Variants in SH3RF3 observed in about 807,000 individuals in gnomAD.
SH3RF3 encodes SH3 domain containing ring finger 3, also known as E3 ubiquitin-protein ligase SH3RF3.
A neutral mutation model predicts 66.3 loss-of-function variants in SH3RF3; 29 were observed. That is an observed-to-expected ratio of 0.44 (90% CI 0.33 to 0.60). The LOEUF is 0.60. SH3RF3 is among the 20% of genes least tolerant of loss of function. SH3RF3 has a pLI of 0.04. For synonymous variants in SH3RF3, 583 were observed against 532.0 expected (o/e 1.10, Z -1.32); for missense variants, 1,194 against 1,190.9 (o/e 1.00, Z -0.04).
intron 3 of SH3RF3, among the ~76,000 whole-genome samples, chr2:109,377,141 G>T (rs543366140): frequency 1.3e-5 from 2 of 152,226 alleles, no homozygotes; most frequent in Non-Finnish European, 2.9e-5. Flanking sequence ...TATTCTTGGC[G>T]TTTCCCATTG....
At chr2:109,274,541 A>G (rs907273411) in intron 1 of SH3RF3, among the ~76,000 whole-genome samples, 5 of 152,258 alleles carry the variant, frequency 3.3e-5, no homozygotes, top group African/African-American at 1.2e-4. Flanking sequence ...AAAAGGTCAC[A>G]TATTGTATGA....
intron 3 of SH3RF3, among the ~76,000 whole-genome samples, chr2:109,381,183 G>T (rs1675647173): frequency 6.6e-6 from 1 of 152,190 alleles, no homozygotes. Flanking sequence ...CTGGAAGTGT[G>T]TCAGCCTAGG....
At chr2:109,189,667 A>G (rs996163221) in intron 1 of SH3RF3, among the ~76,000 whole-genome samples, 16 of 152,050 alleles carry the variant, frequency 1.1e-4, no homozygotes, top group Admixed American at 3.9e-4. Flanking sequence ...TTTACCCCCT[A>G]TCAATTTAAT....
At chr2:109,228,757 G>T (rs1231131552) in intron 1 of SH3RF3, among the ~76,000 whole-genome samples, 1 of 152,180 alleles carries the variant, frequency 6.6e-6, no homozygotes, top group Non-Finnish European at 1.5e-5. Context: ...GAGCACAGGG[G>T]CTTCCGTCTC....
In SH3RF3 at chr2:109,211,701, A is replaced by G. The variant is rs189803020; in HGVS notation, c.573+81588A>G. 2.3e-4 allele frequency among the ~76,000 whole-genome samples: 34 copies of G among 150,246 alleles called. No individual in the cohort carries two copies. The East Asian group carries it at 5.2e-3, about 23-fold the overall frequency. ...GCTCTGTCACCCAGGGTGGAGTGCA[A>G]TGGTGCAATCTTGGCTCACTTCAAC... On this transcript the variant is annotated intron_variant, in intron 1 of 9. Coordinates refer to ENST00000309415, the MANE Select transcript of SH3RF3 (RefSeq NM_001099289.3).
intron 1 of SH3RF3, among the ~76,000 whole-genome samples, chr2:109,173,810 C>T (rs955302522): frequency 2.6e-5 from 4 of 152,196 alleles, no homozygotes; most frequent in Admixed American, 2.6e-4. Context: ...CAAAGGCATG[C>T]GATGGGGCTG....
chr2:109,421,965 A>G (rs1011729596), intron 5 of SH3RF3, among the ~76,000 whole-genome samples: 1 of 152,214 alleles, frequency 6.6e-6, no homozygotes, highest in Admixed American at 6.5e-5. Flanking sequence ...TTATCCCCAG[A>G]GAGGAAAAGA....
intron 4 of SH3RF3, among the ~76,000 whole-genome samples, chr2:109,408,803 G>A (rs1676515495): frequency 6.6e-6 from 1 of 152,238 alleles, no homozygotes; most frequent in African/African-American, 2.4e-5. Context: ...GATGAATATT[G>A]TGCCTTTTAT....
intron 1 of SH3RF3, among the ~76,000 whole-genome samples, chr2:109,268,003 C>T (rs970710929): frequency 6.6e-6 from 1 of 151,904 alleles, no homozygotes; most frequent in African/African-American, 2.4e-5. Context: ...CGGACATCCC[C>T]ACTAAGGGTC....
intron 1 of SH3RF3, among the ~76,000 whole-genome samples, chr2:109,189,061 T>C (rs1558947939): frequency 6.6e-6 from 1 of 152,224 alleles, no homozygotes; most frequent in East Asian, 1.9e-4. Flanking sequence ...GTCCCTCCAG[T>C]GGAAACCCAC....
At chr2:109,153,328 C>A (rs1056574162) in intron 1 of SH3RF3, among the ~76,000 whole-genome samples, 3 of 152,136 alleles carry the variant, frequency 2.0e-5, no homozygotes, top group South Asian at 4.1e-4. Flanking sequence ...AAATTGCATG[C>A]CTTTTTTTCT....
intron 2 of SH3RF3, among the ~76,000 whole-genome samples, chr2:109,360,489 CACAAATGAATTTTGTGTTT>C (rs1683032010): frequency 6.6e-6 from 1 of 152,112 alleles, no homozygotes; most frequent in Admixed American, 6.5e-5. Flanking sequence ...ATATATAAAA[CACAAATGAATTTTGTGTTT>C]AGACTGGGGT....
In SH3RF3 at chr2:109,240,001, C is replaced by G. The variant is rs186475974; in HGVS notation, c.574-107673C>G. ...GTATCCTCTGTGGAATGCTTGCTGG[C>G]TCATGATAGATGAGTCACTTGTCTG... On this transcript the variant is annotated intron_variant, in intron 1 of 9. Transcript: ENST00000309415. Among the ~76,000 whole-genome samples, 10 of 152,312 alleles carry G rather than the reference C, an allele frequency of 6.6e-5. No homozygotes were observed. In the East Asian group the frequency reaches 1.9e-3, roughly 29 times the overall value.
chr2:109,346,318 G>GTAGAATGA, intron 1 of SH3RF3, among the ~76,000 whole-genome samples: 1 of 152,280 alleles, frequency 6.6e-6, no homozygotes, highest in African/African-American at 2.4e-5. Flanking sequence ...AAACATAAAT[G>GTAGAATGA]TAGAATGATT....
chr2:109,367,471 G>A (rs1024258748), intron 2 of SH3RF3, among the ~76,000 whole-genome samples: 2 of 151,444 alleles, frequency 1.3e-5, no homozygotes, highest in African/African-American at 2.4e-5. Context: ...TAATAGAAAC[G>A]GGGTTTCACC....
chr2:109,421,285 G>A (rs1416507735), intron 5 of SH3RF3, among the ~76,000 whole-genome samples: 1 of 152,260 alleles, frequency 6.6e-6, no homozygotes, highest in Non-Finnish European at 1.5e-5. Context: ...AAGCCCAGAT[G>A]TGTTTGTTTT....
chr2:109,190,301 G>A (rs1177043047), intron 1 of SH3RF3, among the ~76,000 whole-genome samples: 1 of 152,198 alleles, frequency 6.6e-6, no homozygotes, highest in Non-Finnish European at 1.5e-5. Context: ...AACCTCCTGA[G>A]TAGCTGGGAT....
chr2:109,422,111 A>G (rs1333430861), intron 5 of SH3RF3, among the ~76,000 whole-genome samples: 2 of 152,290 alleles, frequency 1.3e-5, no homozygotes, highest in Non-Finnish European at 2.9e-5. Flanking sequence ...TGATCTAACC[A>G]TTCTTCCCAA....
In SH3RF3 at chr2:109,260,577, C is replaced by T. The variant is rs149758880; in HGVS notation, c.574-87097C>T. Reference sequence around the variant, plus strand: ...CCTTGGTCATAGGCAAGAGGGCTCCCGATCTTGTATGTGGAGTGCCTGATG... The same window carrying T: ...CCTTGGTCATAGGCAAGAGGGCTCCTGATCTTGTATGTGGAGTGCCTGATG... On this transcript the variant is annotated intron_variant, in intron 1 of 9. Transcript: ENST00000309415. 1.1e-3 allele frequency among the ~76,000 whole-genome samples: 170 copies of T among 152,286 alleles called. 1 individual carries two copies. In the East Asian group the frequency reaches 0.012, roughly 11 times the overall value.
Sources: allele counts gnomAD v4.1 joint callset (sites outside exome capture counted in the v4.1 genomes callset), GRCh38; gene constraint gnomAD v4.1.1; transcripts MANE v1.5; gene names NCBI Gene and HGNC (gene_info 2026-07-23, HGNC 2026-07-21).